Variants in RAD17 observed in about 807,000 individuals in gnomAD.
RAD17 encodes the protein cell cycle checkpoint protein RAD17.
A neutral mutation model predicts 81.5 loss-of-function variants in RAD17; 31 were observed. The observed-to-expected ratio is 0.38, with a 90% CI of 0.29 to 0.51. The LOEUF is 0.51. Ranked by LOEUF, RAD17 falls within the 20% of genes least tolerant of loss-of-function variation. The pLI is 0.88. For synonymous variants in RAD17, 261 were observed against 266.2 expected (o/e 0.98, Z 0.19); for missense variants, 681 against 781.2 (o/e 0.87, Z 1.53).
intron 8 of RAD17, among the ~76,000 whole-genome samples, chr5:69,385,247 A>C (rs978993048): frequency 1.4e-5 from 2 of 145,778 alleles, no homozygotes; most frequent in Non-Finnish European, 3.0e-5. Flanking sequence ...GGCGTGAGCC[A>C]CCATGCCTGG....
At chr5:69,374,530 A>T in intron 5 of RAD17, 98 bp from the exon 6 acceptor site, 1 of 696,770 alleles carries the variant, frequency 1.4e-6, no homozygotes, top group Non-Finnish European at 2.4e-6. Context: ...CTGATTTGCT[A>T]CTTCTTTTCG....
intron 6 of RAD17, among the ~76,000 whole-genome samples, chr5:69,377,527 G>GTATATA (rs1763473887): frequency 1.6e-4 from 9 of 57,208 alleles, no homozygotes; most frequent in African/African-American, 5.0e-4. Context: ...GTATATATAT[G>GTATATA]TGTATATATA....
At chr5:69,385,694 A>G (rs1272580256) in intron 8 of RAD17, among the ~76,000 whole-genome samples, 1 of 152,242 alleles carries the variant, frequency 6.6e-6, no homozygotes, top group Non-Finnish European at 1.5e-5. Flanking sequence ...TTGTAATAGT[A>G]GAAACCTAAA....
intron 6 of RAD17, among the ~76,000 whole-genome samples, chr5:69,375,913 C>G (rs904286542): frequency 1.3e-5 from 2 of 151,906 alleles, no homozygotes; most frequent in Admixed American, 6.6e-5. Flanking sequence ...GAGACCAGGC[C>G]GGTTGACTTG....
At chr5:69,411,372 T>C (rs1765988067) in intron 18 of RAD17, among the ~76,000 whole-genome samples, 1 of 151,932 alleles carries the variant, frequency 6.6e-6, no homozygotes. Flanking sequence ...GATCACACCA[T>C]TGCACCCCAG....
At chr5:69,405,512 C>G (rs1301633760) in intron 17 of RAD17, among the ~76,000 whole-genome samples, 3 of 151,554 alleles carry the variant, frequency 2.0e-5, no homozygotes, top group Admixed American at 6.6e-5. Flanking sequence ...ACTAAAAATA[C>G]AAAAATTAGC....
Position 69,386,285 on chromosome 5 carries a change from G to A in RAD17, c.804G>A (p.Glu268=), listed in dbSNP as rs1173375531. ...RLLFPKEIQE[E]CSISNISFNP... is the part of the protein sequence containing the mutation. ...TGTTTCCCAAAGAAATTCAGGAAGAGTGTTCTATCTCAAATATTAGGTAAG... is the reference window on the plus strand; with the variant it reads ...TGTTTCCCAAAGAAATTCAGGAAGAATGTTCTATCTCAAATATTAGGTAAG... Residue 268 remains glutamate (E), a synonymous_variant, in exon 10 of 19, where the codon GAG becomes GAA. Coordinates refer to ENST00000354868, the MANE Select transcript of RAD17 (RefSeq NM_133338.3). 3.7e-6 allele frequency: 6 copies of A among 1,604,476 alleles called. No individual in the cohort carries two copies. Among genetic ancestry groups the A allele is most frequent in the African/African-American group, 1.3e-5 (1 of 74,726 alleles).
intron 17 of RAD17, among the ~76,000 whole-genome samples, chr5:69,403,628 A>G (rs1765410784): frequency 6.6e-6 from 1 of 152,214 alleles, no homozygotes; most frequent in Non-Finnish European, 1.5e-5. Flanking sequence ...CTCTATCTTT[A>G]AAATTTCTGG....
intron 8 of RAD17, among the ~76,000 whole-genome samples, 181 bp downstream of exon 8, chr5:69,385,114 C>T (rs1436700894): frequency 4.0e-5 from 6 of 151,660 alleles, no homozygotes; most frequent in African/African-American, 9.7e-5. Context: ...CGCCCGCCAC[C>T]ACGCCCGGCT....
chr5:69,386,904 C>T (rs183405841), intron 11 of RAD17, among the ~76,000 whole-genome samples: 47 of 147,838 alleles, frequency 3.2e-4, no homozygotes, highest in African/African-American at 1.1e-3. Flanking sequence ...AGTCTATTTA[C>T]ATTCATATAC....
chr5:69,371,623 C>A (rs1252701580), intron 3 of RAD17, 66 bp downstream of exon 3: 5 of 858,340 alleles, frequency 5.8e-6, no homozygotes, highest in Middle Eastern at 4.0e-4. Flanking sequence ...TATATATATT[C>A]TTAATAACTT....
intron 7 of RAD17, among the ~76,000 whole-genome samples, chr5:69,382,815 T>A (rs534728520): frequency 2.5e-3 from 388 of 152,280 alleles, no homozygotes; most frequent in Non-Finnish European, 4.2e-3. Flanking sequence ...TTATTTATTT[T>A]TATTTTTTTT....
rs747956922 is a variant in RAD17 at position 69,386,484 on chromosome 5, A to C, written c.894+19A>C. 6.4e-7 allele frequency: 1 copy of C among 1,555,792 alleles called. No homozygotes were observed. Among genetic ancestry groups the C allele is most frequent in the South Asian group, 1.3e-5 (1 of 77,314 alleles). ...TAACAAGGTAAGTCTCTGATTAATT[A>C]AACCTTACTCGATAACTATAGAAAG... is the stretch of plus-strand genomic sequence containing the variant. On this transcript the variant is annotated intron_variant, in intron 11 of 18. Transcript: ENST00000354868.
intron 1 of RAD17, 78 bp downstream of exon 1, chr5:69,370,011 G>T: frequency 2.5e-6 from 1 of 393,690 alleles, no homozygotes; most frequent in Non-Finnish European, 4.5e-6. Context: ...AAGCTTTCCT[G>T]GGCTCTCGTC....
intron 18 of RAD17, 74 bp downstream of exon 18, chr5:69,410,624 A>T (rs1183094472): frequency 3.0e-6 from 4 of 1,324,784 alleles, no homozygotes; most frequent in Non-Finnish European, 4.3e-6. Context: ...TGAATCAATA[A>T]CTGTTACCTG....
intron 12 of RAD17, among the ~76,000 whole-genome samples, chr5:69,390,448 G>A (rs1764482107): frequency 6.6e-6 from 1 of 151,864 alleles, no homozygotes; most frequent in Non-Finnish European, 1.5e-5. Flanking sequence ...GGGCAACATA[G>A]CAAGACCTTG....
chr5:69,391,556 T>G (rs1269782086), intron 12 of RAD17, among the ~76,000 whole-genome samples: 2 of 152,210 alleles, frequency 1.3e-5, no homozygotes, highest in African/African-American at 2.4e-5. Flanking sequence ...TTGAATTTTT[T>G]GGATCAGGAA....
intron 17 of RAD17, among the ~76,000 whole-genome samples, chr5:69,404,677 G>A (rs1414460851): frequency 6.6e-6 from 1 of 151,128 alleles, no homozygotes; most frequent in East Asian, 2.0e-4. Flanking sequence ...GCTAAGGCAG[G>A]AGAATTGCTT....
At position 69,400,133 on chromosome 5, in the gene RAD17, T is replaced by C. The variant is rs758189945; in HGVS notation, c.1657T>C (p.Tyr553His). The C allele has an allele frequency of 6.3e-7, 1 of 1,599,650 alleles. No individual in the cohort carries two copies. Among genetic ancestry groups the C allele is most frequent in the Non-Finnish European group, 8.5e-7 (1 of 1,173,668 alleles). The change falls in exon 17 of 19, where the codon TAC becomes CAC. Residue 553 changes from tyrosine to histidine, a missense_variant. By Grantham distance (83) the Tyr-to-His change is moderately conservative. Coordinates refer to ENST00000354868, the MANE Select transcript of RAD17 (RefSeq NM_133338.3). ...ATGCCTCCAAACTCAGCTATTGCCA[T>C]ACCTTGCTCTACTAACCATTCCAAT... ...ALCLQTQLLP[Y>H]LALLTIPMRN...
Sources: allele counts gnomAD v4.1 joint callset (sites outside exome capture counted in the v4.1 genomes callset), GRCh38; gene constraint gnomAD v4.1.1; transcripts MANE v1.5; gene names NCBI Gene and HGNC (gene_info 2026-07-23, HGNC 2026-07-21).